Variants in OSBP2 observed in about 807,000 individuals in gnomAD.
The protein encoded by OSBP2 is oxysterol-binding protein 2.
OSBP2 carries 66 observed loss-of-function variants against 96.0 expected under a neutral mutation model. The observed-to-expected ratio is 0.69, with a 90% CI of 0.56 to 0.84. The LOEUF (loss-of-function observed/expected upper bound fraction) is 0.84, where lower values mean the gene tolerates loss of function less well. Among genes scored for constraint, OSBP2 ranks in the 40% least tolerant of loss-of-function variants. The pLI is 0.00. For synonymous variants in OSBP2, 525 were observed against 520.9 expected, an observed-to-expected ratio of 1.01 and a Z score of -0.11; for missense variants, 1,038 against 1,222.7, an observed-to-expected ratio of 0.85 and a Z score of 2.25.
intron 2 of OSBP2, among the ~76,000 whole-genome samples, chr22:30,761,711 G>T (rs1214629324): frequency 1.3e-5 from 2 of 152,156 alleles, no homozygotes; most frequent in Non-Finnish European, 2.9e-5. Flanking sequence ...GTGTGATGTT[G>T]GCAAACACTA....
intron 2 of OSBP2, among the ~76,000 whole-genome samples, chr22:30,763,164 CGGCTT>C (rs754032484): frequency 6.6e-5 from 10 of 152,186 alleles, no homozygotes; most frequent in Non-Finnish European, 1.0e-4. Context: ...TCTTGGCACA[CGGCTT>C]GGCAAACACT....
chr22:30,874,217 A>G (rs1356674132), intron 3 of OSBP2, among the ~76,000 whole-genome samples: 2 of 151,848 alleles, frequency 1.3e-5, no homozygotes, highest in East Asian at 1.9e-4. Context: ...AAACTGAACG[A>G]CAGAGTGAGA....
chr22:30,881,788 A>G lies in OSBP2; in HGVS notation c.1108-5638A>G. 1 of 1,304,164 alleles carries G rather than the reference A, an allele frequency of 7.7e-7. No homozygotes were observed. The highest frequency in any genetic ancestry group is 1.2e-5 in the South Asian group (1 of 81,026). 80.8% of individuals were successfully genotyped at this position (1,304,164 alleles called of 1,614,324 possible). On this transcript the variant is annotated intron_variant, in intron 3 of 13. Coordinates refer to ENST00000332585, the MANE Select transcript of OSBP2 (RefSeq NM_030758.4). The surrounding 1 kb of genome is among the most constrained non-coding windows in gnomAD (Gnocchi z 4.5). ...AGCAGCAGAGGAGACCCTGGGAGTC[A>G]GGGATGGACACCAGGTGGGTGCATC...
chr22:30,893,756 A>G, intron 11 of OSBP2, 23 bp downstream of exon 11: 2 of 1,613,396 alleles, frequency 1.2e-6, no homozygotes, highest in Non-Finnish European at 1.7e-6. Flanking sequence ...AGCCACCTCT[A>G]AGCACCCCAG....
intron 3 of OSBP2, among the ~76,000 whole-genome samples, chr22:30,886,468 TG>T (rs1312016167): frequency 1.3e-5 from 2 of 150,718 alleles, no homozygotes; most frequent in Non-Finnish European, 3.0e-5. Context: ...TTTAAAAAGG[TG>T]CTAAGACTCT....
rs1218747832 is a variant in OSBP2, at chr22:30,741,324, G to C, written c.808G>C (p.Glu270Gln). 2 of 1,613,318 alleles carry C rather than the reference G, an allele frequency of 1.2e-6. No homozygotes were observed. The highest frequency in any genetic ancestry group is 4.5e-5 in the East Asian group (2 of 44,884). ...VDRQQWITAL[E>Q]LAKAKAVRVM... ...CCGGCAGCAGTGGATCACCGCCCTG[G>C]AGCTGGCCAAGGCCAAGGCTGTCCG... is the stretch of plus-strand genomic sequence containing the variant. The change falls in exon 2 of 14, where the codon GAG becomes CAG. Residue 270 changes from glutamate to glutamine, a missense_variant. Around this residue, in one of 3 missense-constraint regions of OSBP2, gnomAD observed 737 missense variants for 913.3 expected, o/e 0.81. Coordinates refer to ENST00000332585, the MANE Select transcript of OSBP2 (RefSeq NM_030758.4).
intron 2 of OSBP2, among the ~76,000 whole-genome samples, chr22:30,794,512 G>A (rs1335113495): frequency 5.3e-5 from 8 of 151,766 alleles, no homozygotes; most frequent in Non-Finnish European, 7.4e-5. Flanking sequence ...TGATCCGCCC[G>A]CCTCAGCCTC....
At chr22:30,724,371 C>T (rs2089606363) in intron 1 of OSBP2, among the ~76,000 whole-genome samples, 1 of 152,130 alleles carries the variant, frequency 6.6e-6, no homozygotes, top group African/African-American at 2.4e-5. Context: ...GTGCTTGCCA[C>T]CACACCCGGC....
intron 2 of OSBP2, among the ~76,000 whole-genome samples, chr22:30,790,309 G>C (rs776671944): frequency 3.3e-5 from 5 of 152,066 alleles, no homozygotes; most frequent in East Asian, 1.9e-4. Flanking sequence ...AAGGAGGGGG[G>C]GGCGGGGAAA....
chr22:30,903,698 G>A (rs1202321580), intron 12 of OSBP2, among the ~76,000 whole-genome samples: 1 of 152,234 alleles, frequency 6.6e-6, no homozygotes, highest in Non-Finnish European at 1.5e-5. Context: ...AGGGTTGGGG[G>A]ATAGCGCCGG....
At chr22:30,712,979 C>T (rs1450238256) in intron 1 of OSBP2, among the ~76,000 whole-genome samples, 1 of 152,018 alleles carries the variant, frequency 6.6e-6, no homozygotes, top group Admixed American at 6.6e-5. Flanking sequence ...GGCACCATCA[C>T]GACTCACTGC....
intron 2 of OSBP2, among the ~76,000 whole-genome samples, chr22:30,813,820 G>A (rs1258382313): frequency 7.4e-6 from 1 of 135,276 alleles, no homozygotes; most frequent in Non-Finnish European, 1.5e-5. Context: ...TTTTTTTTTT[G>A]AGATGGAGTT....
chr22:30,770,937 G>T (rs1037969723), intron 2 of OSBP2, among the ~76,000 whole-genome samples: 3 of 152,224 alleles, frequency 2.0e-5, no homozygotes, highest in Non-Finnish European at 4.4e-5. Context: ...GGTCATTGCG[G>T]CTGCTTGAGT....
intron 1 of OSBP2, among the ~76,000 whole-genome samples, chr22:30,703,107 G>A (rs1033974519): frequency 6.6e-6 from 1 of 152,108 alleles, no homozygotes; most frequent in Non-Finnish European, 1.5e-5. Flanking sequence ...GTGGGAATGT[G>A]GATATAATGT....
At chr22:30,834,553 G>T (rs141060700) in intron 2 of OSBP2, among the ~76,000 whole-genome samples, 2 of 152,162 alleles carry the variant, frequency 1.3e-5, no homozygotes, top group African/African-American at 2.4e-5. Context: ...CCTGTTGGAA[G>T]TGAAGTAGTT....
chr22:30,695,683 G>A, intron 1 of OSBP2, 130 bp downstream of exon 1: 2 of 1,471,832 alleles, frequency 1.4e-6, no homozygotes, highest in Non-Finnish European at 1.8e-6. Context: ...CATTCCAGCA[G>A]GCCAAGTCAC....
intron 2 of OSBP2, among the ~76,000 whole-genome samples, chr22:30,798,870 T>C (rs1425187605): frequency 6.6e-6 from 1 of 152,038 alleles, no homozygotes; most frequent in African/African-American, 2.4e-5. Flanking sequence ...AAACTTTAGC[T>C]GGGCATGGTG....
At chr22:30,795,864 T>A in intron 2 of OSBP2, among the ~76,000 whole-genome samples, 1 of 152,244 alleles carries the variant, frequency 6.6e-6, no homozygotes. Flanking sequence ...TCTTGGAATG[T>A]CTATTTGATT....
At chr22:30,747,635 G>C (rs1238364105) in intron 2 of OSBP2, among the ~76,000 whole-genome samples, 1 of 152,092 alleles carries the variant, frequency 6.6e-6, no homozygotes, top group Non-Finnish European at 1.5e-5. Context: ...GTAAGGCCCC[G>C]TGTGATCAGG....
Sources: gnomAD v4.1 joint callset for allele counts (sites outside exome capture counted in the v4.1 genomes callset) on GRCh38, gnomAD v4.1.1 for gene constraint, gnomAD v4.1.1 regional missense constraint, Gnocchi (gnomAD v3.1) non-coding constraint, MANE v1.5 for transcripts, NCBI Gene and HGNC (gene_info 2026-07-23, HGNC 2026-07-21) for gene names.